Variants in ANKS1B observed in about 807,000 individuals in gnomAD.
ANKS1B encodes the protein ankyrin repeat and sterile alpha motif domain-containing protein 1B.
In ANKS1B, 36 loss-of-function variants were observed where a neutral mutation model predicts 148.3. The observed-to-expected ratio is 0.24, with a 90% CI of 0.19 to 0.32. The LOEUF is 0.32. Among genes scored for constraint, ANKS1B ranks in the 10% least tolerant of loss-of-function variants. The probability of loss-of-function intolerance (pLI) is 1.00; values close to 1 mark genes in which losing one functional copy is unlikely to be tolerated. For synonymous variants in ANKS1B, 542 were observed against 560.8 expected, an observed-to-expected ratio of 0.97 and a Z score of 0.47; for missense variants, 1,157 against 1,542.6, an observed-to-expected ratio of 0.75 and a Z score of 4.19.
intron 17 of ANKS1B, among the ~76,000 whole-genome samples, chr12:99,026,739 A>G (rs1161519303): frequency 6.6e-6 from 1 of 152,236 alleles, no homozygotes; most frequent in African/African-American, 2.4e-5. Context: ...TTAAATGCAG[A>G]GACCTCTTTT....
chr12:99,382,770 T>C (rs574299336), intron 12 of ANKS1B, among the ~76,000 whole-genome samples: 51 of 150,392 alleles, frequency 3.4e-4, no homozygotes, highest in South Asian at 2.8e-3. Context: ...TTAAGTGTAA[T>C]GTCATGACTG....
At chr12:98,861,001 A>G (rs1375943828) in intron 17 of ANKS1B, among the ~76,000 whole-genome samples, 2 of 152,114 alleles carry the variant, frequency 1.3e-5, no homozygotes, top group African/African-American at 2.4e-5. Flanking sequence ...ATGGGAAGAG[A>G]GTGGTTTTAA....
At chr12:99,484,245 T>C (rs1404478567) in intron 10 of ANKS1B, among the ~76,000 whole-genome samples, 1 of 152,180 alleles carries the variant, frequency 6.6e-6, no homozygotes, top group Non-Finnish European at 1.5e-5. Flanking sequence ...CTTAATTTCA[T>C]TGTTAGCTCA....
intron 8 of ANKS1B, among the ~76,000 whole-genome samples, chr12:99,733,116 C>T (rs2059320396): frequency 1.3e-5 from 2 of 152,024 alleles, no homozygotes; most frequent in Admixed American, 6.6e-5. Flanking sequence ...TCCCTTTCCT[C>T]TTTGGGTCAG....
chr12:99,845,351 T>A (rs1393076496), intron 1 of ANKS1B, among the ~76,000 whole-genome samples: 1 of 152,192 alleles, frequency 6.6e-6, no homozygotes, highest in Non-Finnish European at 1.5e-5. Flanking sequence ...AGTATAATAT[T>A]GGCTGTGGGT....
chr12:98,740,691 C>A (rs990671889), downstream of ANKS1B, among the ~76,000 whole-genome samples: 2 of 152,220 alleles, frequency 1.3e-5, no homozygotes, highest in African/African-American at 4.8e-5. Flanking sequence ...CTTTTCCTCA[C>A]TAACAACCCC....
At chr12:99,098,758 GT>G (rs1256557126) in intron 15 of ANKS1B, among the ~76,000 whole-genome samples, 8 of 145,832 alleles carry the variant, frequency 5.5e-5, no homozygotes, top group African/African-American at 2.0e-4. Context: ...AAAATTCAGG[GT>G]TCCCCCCCCC....
intron 22 of ANKS1B, among the ~76,000 whole-genome samples, chr12:98,796,265 G>A (rs1469075609): frequency 6.6e-6 from 1 of 152,168 alleles, no homozygotes; most frequent in Non-Finnish European, 1.5e-5. Context: ...TGGCTAAAAT[G>A]CATACTTTGA....
At chr12:99,293,606 G>A (rs746683624) in intron 12 of ANKS1B, among the ~76,000 whole-genome samples, 4 of 152,186 alleles carry the variant, frequency 2.6e-5, no homozygotes, top group Admixed American at 6.5e-5. Context: ...CCAGGACATT[G>A]GACTGGGTAA....
intron 22 of ANKS1B, chr12:98,795,551 C>G (rs1415296798): frequency 2.4e-6 from 1 of 420,756 alleles, no homozygotes; most frequent in East Asian, 7.0e-5. Context: ...AGAGGAATCC[C>G]AGTGCCTTTT....
At chr12:99,253,949 G>C (rs1453996492) in intron 12 of ANKS1B, among the ~76,000 whole-genome samples, 1 of 152,186 alleles carries the variant, frequency 6.6e-6, no homozygotes, top group Non-Finnish European at 1.5e-5. Context: ...AGAAATATCA[G>C]AGAAATCCAA....
rs77617049 is a variant in ANKS1B, at chr12:99,074,311, G to A, written c.2625+10614C>T. ...CAGCTCTGTGGTCTACATAATAAAC[G>A]ATTCCAAGATAAATTCTTAAAAAAA... On this transcript the variant is annotated intron_variant, in intron 16 of 26. Coordinates refer to ENST00000683438, the MANE Select transcript of ANKS1B (RefSeq NM_001352186.2). Among the ~76,000 whole-genome samples the A allele has an allele frequency of 5.5e-3, 826 of 150,034 alleles. 24 individuals are homozygous for A. In the East Asian group the frequency reaches 0.085, roughly 15 times the overall value.
intron 17 of ANKS1B, among the ~76,000 whole-genome samples, chr12:98,929,768 A>T (rs1272579103): frequency 6.6e-6 from 1 of 152,084 alleles, no homozygotes; most frequent in Non-Finnish European, 1.5e-5. Flanking sequence ...GTACCAGCTC[A>T]CATGATTCAC....
chr12:99,662,664 G>C (rs1454973916), intron 8 of ANKS1B, among the ~76,000 whole-genome samples: 1 of 151,986 alleles, frequency 6.6e-6, no homozygotes, highest in Non-Finnish European at 1.5e-5. Context: ...AAATAATGTA[G>C]AAAACAGCAT....
At chr12:99,221,771 T>C (rs1018401867) in intron 14 of ANKS1B, among the ~76,000 whole-genome samples, 2 of 152,190 alleles carry the variant, frequency 1.3e-5, no homozygotes, top group African/African-American at 4.8e-5. Flanking sequence ...AATTTGGCAA[T>C]ACTTATCAAA....
intron 17 of ANKS1B, among the ~76,000 whole-genome samples, chr12:98,866,875 CTTTA>C (rs2099627271): frequency 6.6e-6 from 1 of 152,266 alleles, no homozygotes; most frequent in African/African-American, 2.4e-5. Flanking sequence ...TTCACAGTCT[CTTTA>C]TTTTTTGGGC....
chr12:99,561,655 G>C (rs2097337404), intron 9 of ANKS1B, among the ~76,000 whole-genome samples: 1 of 151,862 alleles, frequency 6.6e-6, no homozygotes, highest in Admixed American at 6.6e-5. Flanking sequence ...ATCTGTTCAA[G>C]TTTTATCATG....
intron 17 of ANKS1B, among the ~76,000 whole-genome samples, chr12:98,946,487 G>T (rs1043753745): frequency 1.3e-5 from 2 of 152,052 alleles, no homozygotes; most frequent in Non-Finnish European, 2.9e-5. Flanking sequence ...GAACAAAAAG[G>T]GTTCCTGCCT....
At chr12:98,778,253 A>G (rs2098700176) in intron 24 of ANKS1B, among the ~76,000 whole-genome samples, 1 of 152,190 alleles carries the variant, frequency 6.6e-6, no homozygotes, top group Admixed American at 6.5e-5. Flanking sequence ...GAGGCGGATG[A>G]TTACCTGAGG....
Sources: allele counts gnomAD v4.1 joint callset (sites outside exome capture counted in the v4.1 genomes callset), GRCh38; gene constraint gnomAD v4.1.1; transcripts MANE v1.5; gene names NCBI Gene and HGNC (gene_info 2026-07-23, HGNC 2026-07-21).